The following MYO5B variants were observed in gnomAD, a reference collection of about 807,000 sequenced individuals.
The protein encoded by MYO5B is unconventional myosin-Vb.
MYO5B carries 143 observed loss-of-function variants against 229.3 expected under a neutral mutation model. The ratio of observed to expected loss-of-function variants is 0.62; its 90% CI spans 0.54 to 0.72. The LOEUF (loss-of-function observed/expected upper bound fraction) is 0.72. MYO5B is among the 30% of genes least tolerant of loss of function. MYO5B has a pLI of 0.00. For synonymous variants in MYO5B, 918 were observed against 885.2 expected, an observed-to-expected ratio of 1.04 and a Z score of -0.66; for missense variants, 2,321 against 2,331.0, an observed-to-expected ratio of 1.00 and a Z score of 0.09.
At chr18:49,962,018 G>A (rs988326338) in intron 12 of MYO5B, among the ~76,000 whole-genome samples, 4 of 152,082 alleles carry the variant, frequency 2.6e-5, no homozygotes, top group Non-Finnish European at 4.4e-5. Flanking sequence ...ATGCCAACCC[G>A]TGCCACCCAG....
chr18:50,111,862 G>A (rs2031870856), intron 1 of MYO5B, among the ~76,000 whole-genome samples: 1 of 152,058 alleles, frequency 6.6e-6, no homozygotes, highest in Non-Finnish European at 1.5e-5. Context: ...TTCCTATAAG[G>A]CACCTTGAGC....
At chr18:50,028,061 G>A (rs1490028480) in intron 4 of MYO5B, among the ~76,000 whole-genome samples, 3 of 152,148 alleles carry the variant, frequency 2.0e-5, no homozygotes, top group Non-Finnish European at 4.4e-5. Context: ...AAACTTTCAG[G>A]ATTAAGGAAA....
chr18:49,855,654 T>C (rs943329582), intron 30 of MYO5B, among the ~76,000 whole-genome samples: 1 of 152,230 alleles, frequency 6.6e-6, no homozygotes, highest in African/African-American at 2.4e-5. Flanking sequence ...TTATTCCTTA[T>C]AATGCCCCGT....
chr18:49,828,053 T>C (rs191084675), intron 39 of MYO5B, among the ~76,000 whole-genome samples: 3 of 152,198 alleles, frequency 2.0e-5, no homozygotes, highest in Admixed American at 6.5e-5. Context: ...AACCTATAGA[T>C]AGAAAAAGTT....
intron 23 of MYO5B, chr18:49,879,488 C>T (rs758303627): frequency 6.3e-5 from 16 of 254,446 alleles, no homozygotes; most frequent in Non-Finnish European, 1.1e-4. Context: ...AGATTAAAGG[C>T]GACTGGGGTA....
intron 17 of MYO5B, among the ~76,000 whole-genome samples, chr18:49,915,959 TCA>T (rs1009392956): frequency 2.0e-5 from 3 of 152,208 alleles, no homozygotes; most frequent in Non-Finnish European, 2.9e-5. Flanking sequence ...AAAAAGGGCC[TCA>T]CAGAGTCCGA....
chr18:49,930,749 G>A (rs2025180611), intron 16 of MYO5B, among the ~76,000 whole-genome samples: 3 of 152,164 alleles, frequency 2.0e-5, no homozygotes, highest in African/African-American at 4.8e-5. Context: ...AAAATTAGCT[G>A]GGCGTGGTGG....
chr18:50,030,864 C>T (rs2026379423), intron 4 of MYO5B, among the ~76,000 whole-genome samples: 1 of 121,392 alleles, frequency 8.2e-6, no homozygotes, highest in African/African-American at 3.2e-5. Flanking sequence ...GCAGCATCCC[C>T]ACTCCCTTTC....
rs563018638 is a variant in MYO5B, at chr18:50,049,947, A to G, written c.138+5321T>C. ...ATGCCACTGAACTGTACACTTAAAC[A>G]TAGTGAAAATGTTGAATCATTATGT... On this transcript the variant is annotated intron_variant, in intron 2 of 39. Coordinates refer to ENST00000285039, the MANE Select transcript of MYO5B (RefSeq NM_001080467.3). Among the ~76,000 whole-genome samples the G allele has an allele frequency of 2.3e-4, 35 of 152,328 alleles. 1 individual carries two copies. Among genetic ancestry groups the G allele is most frequent in the African/African-American group, 7.9e-4 (33 of 41,578 alleles).
In MYO5B at chr18:49,906,505, C is replaced by G; in HGVS notation, c.2328G>C (p.Arg776=). Residue 776 remains arginine, a synonymous_variant, in exon 19 of 40, where the codon CGG becomes CGC. Coordinates refer to ENST00000285039, the MANE Select transcript of MYO5B (RefSeq NM_001080467.3). Reference sequence around the variant, plus strand: ...GATATTTCACCTTCTGCAGCCATCCCCGGACAGTTTTCTGGATCATGATGG... The same window carrying G: ...GATATTTCACCTTCTGCAGCCATCCGCGGACAGTTTTCTGGATCATGATGG... ...TATIMIQKTV[R]GWLQKVKYHR... The G allele has an allele frequency of 6.2e-7, 1 of 1,614,180 alleles. No homozygotes were observed. Among genetic ancestry groups the G allele is most frequent in the Non-Finnish European group, 8.5e-7 (1 of 1,180,034 alleles).
rs145850364 is a variant in MYO5B at position 49,945,004 on chromosome 18, C to A, written c.1753-7607G>T. On this transcript the variant is annotated intron_variant, in intron 14 of 39. Coordinates refer to ENST00000285039, the MANE Select transcript of MYO5B (RefSeq NM_001080467.3). ...TGATCCTACCCGACCTCTTCAAAGG[C>A]CTCTGTGCCACTGGCCCACGCCTCC... Among the ~76,000 whole-genome samples the A allele has an allele frequency of 2.8e-4, 42 of 152,340 alleles. No homozygotes were observed. The East Asian group carries it at 8.1e-3, about 29-fold the overall frequency.
intron 16 of MYO5B, among the ~76,000 whole-genome samples, chr18:49,933,241 C>G (rs2025213831): frequency 6.6e-6 from 1 of 152,184 alleles, no homozygotes; most frequent in African/African-American, 2.4e-5. Context: ...CCAGGTCCTC[C>G]ACAAAGCGTT....
chr18:49,885,545 T>C (rs772890578), intron 22 of MYO5B, among the ~76,000 whole-genome samples: 1 of 152,160 alleles, frequency 6.6e-6, no homozygotes, highest in Non-Finnish European at 1.5e-5. Flanking sequence ...TTGATATGGT[T>C]TGGACGTTCA....
intron 1 of MYO5B, among the ~76,000 whole-genome samples, chr18:50,114,587 T>G (rs2031923617): frequency 6.6e-6 from 1 of 152,232 alleles, no homozygotes; most frequent in Non-Finnish European, 1.5e-5. Context: ...TTCAGACATT[T>G]GTCTGAGCTG....
chr18:49,982,820 A>G (rs1359955298), intron 8 of MYO5B, among the ~76,000 whole-genome samples: 1 of 152,234 alleles, frequency 6.6e-6, no homozygotes, highest in African/African-American at 2.4e-5. Flanking sequence ...GGACATGTTT[A>G]TTAAAGAATA....
Position 49,937,176 on chromosome 18 carries a change from A to G in MYO5B, c.1905+69T>C, listed in dbSNP as rs1188690597. The G allele has an allele frequency of 5.3e-5, 82 of 1,533,882 alleles. 1 individual carries two copies. Among genetic ancestry groups the G allele is most frequent in the Non-Finnish European group, 7.3e-5 (81 of 1,108,384 alleles). On this transcript the variant is annotated intron_variant, in intron 15 of 39. Transcript: ENST00000285039. ...ATGGCTTCCCTCTCACCCTGCCGCC[A>G]TCCTTCATCTACAGAGAGGCCAGCC...
chr18:50,164,644 A>G lies in MYO5B; in HGVS notation c.27+30123T>C, dbSNP rs542036254. On this transcript the variant is annotated intron_variant, in intron 1 of 39. Transcript: ENST00000285039. ...TGTGCAAGATGTGTAGGTTTGCTACATAGGTAAATGTGTGTCATGGTGGTT... is the reference window on the plus strand; with the variant it reads ...TGTGCAAGATGTGTAGGTTTGCTACGTAGGTAAATGTGTGTCATGGTGGTT... 5.3e-5 allele frequency among the ~76,000 whole-genome samples: 8 copies of G among 152,172 alleles called. No individual in the cohort carries two copies. In the South Asian group the frequency reaches 1.7e-3, roughly 32 times the overall value.
chr18:50,075,987 C>T (rs2031069373), intron 1 of MYO5B, among the ~76,000 whole-genome samples: 1 of 152,236 alleles, frequency 6.6e-6, no homozygotes. Context: ...TGACTGCAAA[C>T]TGCAATTTGA....
Position 50,170,202 on chromosome 18 carries a change from G to A in MYO5B, c.27+24565C>T, listed in dbSNP as rs1242514470. The stretch of plus-strand genomic sequence containing the variant: ...TGCATTTTGTCCAGCAGTGGGCAGT[G>A]AGGAAAGGAGGCTTGGCCGGAAGCA... On this transcript the variant is annotated intron_variant, in intron 1 of 39. Transcript: ENST00000285039. 9.4e-5 allele frequency among the ~76,000 whole-genome samples: 12 copies of A among 127,978 alleles called. 3 individuals are homozygous for A. The East Asian group carries it at 2.7e-3, about 29-fold the overall frequency. The allele number at this position is 127,978 out of a possible 152,430, so 84.0% of individuals were successfully genotyped here. A position where few individuals can be genotyped will look rare whatever the true frequency, so the allele number is the denominator to read the frequency against.
Sources: allele counts gnomAD v4.1 joint callset (sites outside exome capture counted in the v4.1 genomes callset), GRCh38; gene constraint gnomAD v4.1.1; transcripts MANE v1.5; gene names NCBI Gene and HGNC (gene_info 2026-07-23, HGNC 2026-07-21).